Variants in TMPRSS15 observed in about 807,000 individuals in gnomAD.
The protein encoded by TMPRSS15 is enteropeptidase.
A neutral mutation model predicts 125.3 loss-of-function variants in TMPRSS15; 128 were observed. The ratio of observed to expected loss-of-function variants is 1.02; its 90% CI spans 0.89 to 1.18. The LOEUF is 1.18. TMPRSS15 is among the 50% of genes most tolerant of loss of function. The pLI is 0.00. For synonymous variants in TMPRSS15, 446 were observed against 423.2 expected, an observed-to-expected ratio of 1.05 and a Z score of -0.66; for missense variants, 1,283 against 1,212.7, an observed-to-expected ratio of 1.06 and a Z score of -0.86.
At chr21:18,368,232 A>T (rs2075757423) in intron 6 of TMPRSS15, among the ~76,000 whole-genome samples, 1 of 152,202 alleles carries the variant, frequency 6.6e-6, no homozygotes, top group African/African-American at 2.4e-5. Flanking sequence ...AGGTATCAAC[A>T]GCTTTGCGCT....
chr21:18,296,609 T>G (rs2074910744), intron 19 of TMPRSS15, among the ~76,000 whole-genome samples: 1 of 152,328 alleles, frequency 6.6e-6, no homozygotes, highest in East Asian at 1.9e-4. Context: ...ATAATTAACA[T>G]AAATGATTTT....
In TMPRSS15 at chr21:18,339,167, T is replaced by A. The variant is rs554534689; in HGVS notation, c.1564+2246A>T. ...CAGTGTTTAGCAGATGGCAGATATTTATAAAATTTGAATGAATGATTAAAT... is the reference window on the plus strand; with the variant it reads ...CAGTGTTTAGCAGATGGCAGATATTAATAAAATTTGAATGAATGATTAAAT... On this transcript the variant is annotated intron_variant, in intron 13 of 24. Coordinates refer to ENST00000284885, the MANE Select transcript of TMPRSS15 (RefSeq NM_002772.3). 3.2e-4 allele frequency among the ~76,000 whole-genome samples: 48 copies of A among 152,340 alleles called. 1 individual carries two copies. The highest frequency in any genetic ancestry group is 1.1e-3 in the African/African-American group (45 of 41,590).
intron 10 of TMPRSS15, among the ~76,000 whole-genome samples, chr21:18,349,059 T>G (rs1470511453): frequency 6.6e-6 from 1 of 152,230 alleles, no homozygotes; most frequent in African/African-American, 2.4e-5. Context: ...CTCCAGGGTC[T>G]GTATTTCAAT....
intron 22 of TMPRSS15, 113 bp from the exon 23 acceptor site, chr21:18,279,172 A>ATT: frequency 2.9e-5 from 16 of 555,192 alleles, no homozygotes; most frequent in East Asian, 7.1e-5. Context: ...AAAAACATGT[A>ATT]TTTTTTTTTT....
At chr21:18,356,878 C>T (rs544403552) in intron 8 of TMPRSS15, among the ~76,000 whole-genome samples, 80 of 151,938 alleles carry the variant, frequency 5.3e-4, no homozygotes, top group Non-Finnish European at 9.1e-4. Flanking sequence ...GCTATGCACA[C>T]TTCTGTGTGC....
At chr21:18,373,003 A>T (rs75201847) in intron 5 of TMPRSS15, among the ~76,000 whole-genome samples, 1 of 152,230 alleles carries the variant, frequency 6.6e-6, no homozygotes, top group African/African-American at 2.4e-5. Context: ...TTTAAAAAAA[A>T]TTTTTAGGCC....
chr21:18,339,914 TAGA>T (rs1307371436), intron 13 of TMPRSS15, among the ~76,000 whole-genome samples: 2 of 152,238 alleles, frequency 1.3e-5, no homozygotes, highest in African/African-American at 4.8e-5. Context: ...AGAGCACAAG[TAGA>T]CACAGGCTCG....
chr21:18,270,218 AT>A, intron 24 of TMPRSS15, 94 bp from the exon 25 acceptor site: 1 of 1,100,938 alleles, frequency 9.1e-7, no homozygotes, highest in East Asian at 2.7e-5. Flanking sequence ...AAAAATAAAA[AT>A]TAATTAAAAA....
chr21:18,413,279 T>C (rs2076170936), intron 1 of TMPRSS15, among the ~76,000 whole-genome samples: 1 of 129,804 alleles, frequency 7.7e-6, no homozygotes, highest in Admixed American at 8.1e-5. Flanking sequence ...TTTCTTTTTC[T>C]TTTTCTTTCT....
At chr21:18,314,470 G>T (rs144657368) in intron 17 of TMPRSS15, among the ~76,000 whole-genome samples, 1,623 of 152,166 alleles carry the variant, frequency 0.011, 32 homozygotes, top group African/African-American at 0.037. Context: ...TAGAGACAGG[G>T]TTTCACCATG....
chr21:18,310,639 C>G (rs1601314715), intron 18 of TMPRSS15, among the ~76,000 whole-genome samples: 1 of 152,052 alleles, frequency 6.6e-6, no homozygotes, highest in East Asian at 1.9e-4. Context: ...TACCCAATCC[C>G]TATTTAATGA....
chr21:18,294,475 T>C, intron 20 of TMPRSS15, 31 bp from the exon 21 acceptor site: 3 of 1,613,952 alleles, frequency 1.9e-6, no homozygotes, highest in Non-Finnish European at 2.5e-6. Context: ...AGAGCATCTA[T>C]TTCATTTTTG....
chr21:18,458,631 A>T (rs538366671), intron 1 of TMPRSS15, among the ~76,000 whole-genome samples: 1 of 152,302 alleles, frequency 6.6e-6, no homozygotes, highest in Admixed American at 6.5e-5. Flanking sequence ...CACTAACAAT[A>T]GAAAATATTA....
chr21:18,322,444 T>C (rs1422418052), intron 16 of TMPRSS15, among the ~76,000 whole-genome samples: 1 of 152,186 alleles, frequency 6.6e-6, no homozygotes, highest in Non-Finnish European at 1.5e-5. Flanking sequence ...ACTGCAGCAC[T>C]ATTCTTAATA....
At chr21:18,334,624 G>T (rs1174876241) in intron 13 of TMPRSS15, among the ~76,000 whole-genome samples, 1 of 152,134 alleles carries the variant, frequency 6.6e-6, no homozygotes, top group Non-Finnish European at 1.5e-5. Context: ...TGTGGATTGG[G>T]TAATTACTAT....
At chr21:18,365,048 T>C (rs1455370572) in intron 7 of TMPRSS15, 92 bp downstream of exon 7, 4 of 1,068,712 alleles carry the variant, frequency 3.7e-6, no homozygotes, top group African/African-American at 1.6e-5. Context: ...ATGAAAACAA[T>C]GATTCTTTAA....
At chr21:18,389,083 A>C (rs1356265939) in intron 3 of TMPRSS15, among the ~76,000 whole-genome samples, 1 of 151,762 alleles carries the variant, frequency 6.6e-6, no homozygotes, top group Non-Finnish European at 1.5e-5. Context: ...AATAAAGACA[A>C]GAGAAAGAAA....
intron 1 of TMPRSS15, among the ~76,000 whole-genome samples, chr21:18,461,345 AT>A (rs1978547598): frequency 6.6e-6 from 1 of 152,124 alleles, no homozygotes; most frequent in African/African-American, 2.4e-5. Flanking sequence ...TTAATCTTCC[AT>A]TCTCCTTGAC....
rs572360846 is a variant in TMPRSS15, at chr21:18,481,131, C to T, written c.10+4668G>A. Among the ~76,000 whole-genome samples, 3 of 151,940 alleles carry T rather than the reference C, an allele frequency of 2.0e-5. No homozygotes were observed. The South Asian group carries it at 6.2e-4, about 31-fold the overall frequency. The stretch of plus-strand genomic sequence containing the variant: ...CTCTACCATTTGGCAACTGTGTCCT[C>T]TGGAAAGTTATTTAACTTTTCTGGA... On this transcript the variant is annotated intron_variant, in intron 1 of 7. Coordinates refer to the TMPRSS15 transcript ENST00000422787.
Sources: allele counts gnomAD v4.1 joint callset (sites outside exome capture counted in the v4.1 genomes callset), GRCh38; gene constraint gnomAD v4.1.1; transcripts MANE v1.5; gene names NCBI Gene and HGNC (gene_info 2026-07-23, HGNC 2026-07-21).